The following INVS variants were observed in gnomAD, a reference collection of about 807,000 sequenced individuals.
The protein encoded by INVS is inversin.
A neutral mutation model predicts 108.8 loss-of-function variants in INVS; 86 were observed. The observed-to-expected ratio is 0.79, with a 90% confidence interval of 0.66 to 0.95. The LOEUF is 0.95. INVS is among the 40% of genes least tolerant of loss of function. The pLI is 0.00. For missense variants in INVS, 1,169 were observed against 1,297.4 expected (o/e 0.90, Z 1.52); for synonymous variants, 455 against 473.5 (o/e 0.96, Z 0.51).
intron 10 of INVS, among the ~76,000 whole-genome samples, chr9:100,256,993 A>C (rs1162460181): frequency 7.2e-5 from 11 of 152,228 alleles, no homozygotes; most frequent in South Asian, 4.1e-4. Flanking sequence ...TGATCTGTCT[A>C]ATGTTGACAG....
At chr9:100,256,629 T>C (rs1354690768) in intron 10 of INVS, among the ~76,000 whole-genome samples, 1 of 152,230 alleles carries the variant, frequency 6.6e-6, no homozygotes, top group Non-Finnish European at 1.5e-5. Context: ...TTGTTCTCAT[T>C]GGTTTCAAAG....
intron 3 of INVS, among the ~76,000 whole-genome samples, chr9:100,140,494 T>G (rs1020142107): frequency 3.3e-5 from 5 of 152,170 alleles, no homozygotes; most frequent in Non-Finnish European, 7.3e-5. Flanking sequence ...TCTTTTGTGG[T>G]GGAATGTCAT....
rs527845207 is a variant in INVS at position 100,252,930 on chromosome 9, G to A, written c.1258G>A (p.Asp420Asn). ...IKGGARVDLV[D>N]QDGHSLLHWA... is the part of the protein sequence containing the mutation. ...AGGTGGAGCAAGGGTAGATCTAGTT[G>A]ACCAAGATGGACATTCTCTTCTACA... Residue 420 changes from aspartate to asparagine, a missense_variant, in exon 10 of 17, where the codon GAC becomes AAC. Asp to Asn is a conservative substitution (Grantham distance 23). Coordinates refer to ENST00000262457, the MANE Select transcript of INVS (RefSeq NM_014425.5). The A allele has an allele frequency of 1.2e-6, 2 of 1,613,542 alleles. No homozygotes were observed. Among genetic ancestry groups the A allele is most frequent in the Non-Finnish European group, 1.7e-6 (2 of 1,179,626 alleles).
At chr9:100,194,964 C>G (rs187872578) in intron 3 of INVS, among the ~76,000 whole-genome samples, 81 of 152,156 alleles carry the variant, frequency 5.3e-4, no homozygotes, top group African/African-American at 1.9e-3. Context: ...AATGTGAGAC[C>G]CACTGAGTCT....
At chr9:100,247,097 A>G in intron 8 of INVS, among the ~76,000 whole-genome samples, 1 of 151,998 alleles carries the variant, frequency 6.6e-6, no homozygotes, top group Middle Eastern at 3.4e-3. Flanking sequence ...AAAAAAAAAA[A>G]CCTACACTTT....
In INVS at chr9:100,246,605, T is replaced by C. The variant is rs761808507; in HGVS notation, c.907-11T>C. 1 of 1,608,310 alleles carries C rather than the reference T, an allele frequency of 6.2e-7. No individual in the cohort carries two copies. Reference sequence around the variant, plus strand: ...TTTTGTCTCCATTTTTTAAATCAAGTTTTCTTACAGGAAACGGTTAAAGTG... The same window carrying C: ...TTTTGTCTCCATTTTTTAAATCAAGCTTTCTTACAGGAAACGGTTAAAGTG... On this transcript the variant is annotated splice_polypyrimidine_tract_variant and intron_variant, in intron 7 of 16. Transcript: ENST00000262457.
At chr9:100,258,522 T>A (rs1456287931) in intron 10 of INVS, among the ~76,000 whole-genome samples, 1 of 152,188 alleles carries the variant, frequency 6.6e-6, no homozygotes, top group Admixed American at 6.5e-5. Flanking sequence ...TCTACTCTGG[T>A]TTCTCCCCAT....
intron 3 of INVS, among the ~76,000 whole-genome samples, chr9:100,211,504 A>G (rs1168205225): frequency 6.6e-6 from 1 of 152,224 alleles, no homozygotes; most frequent in Non-Finnish European, 1.5e-5. Flanking sequence ...TTCCTCTCAT[A>G]GAGAAAAGCC....
intron 12 of INVS, among the ~76,000 whole-genome samples, chr9:100,283,178 G>T (rs931945869): frequency 1.3e-5 from 2 of 152,076 alleles, no homozygotes; most frequent in Non-Finnish European, 2.9e-5. Flanking sequence ...TTATCCAGGT[G>T]TGGTGGGGCA....
intron 7 of INVS, among the ~76,000 whole-genome samples, chr9:100,244,945 T>G (rs1338900729): frequency 6.6e-6 from 1 of 152,188 alleles, no homozygotes; most frequent in East Asian, 1.9e-4. Flanking sequence ...GATTCTTCCT[T>G]TATCTGCCAC....
chr9:100,242,064 T>C (rs964766399), intron 6 of INVS, among the ~76,000 whole-genome samples: 5 of 152,118 alleles, frequency 3.3e-5, no homozygotes, highest in Non-Finnish European at 7.4e-5. Context: ...ATAAATATAA[T>C]AAAAGATTGT....
intron 13 of INVS, among the ~76,000 whole-genome samples, chr9:100,289,431 GT>G (rs1288436916): frequency 2.0e-5 from 3 of 152,150 alleles, no homozygotes. Context: ...ATCTGTGTTG[GT>G]TATCTCTTGT....
chr9:100,102,609 G>T (rs981256836), intron 1 of INVS: 3 of 152,250 alleles, frequency 2.0e-5, no homozygotes, highest in Non-Finnish European at 4.4e-5. Flanking sequence ...GGTGGCTGAG[G>T]AGGGAGGATC....
chr9:100,230,406 T>C (rs1199785143), intron 5 of INVS, among the ~76,000 whole-genome samples: 1 of 152,204 alleles, frequency 6.6e-6, no homozygotes, highest in East Asian at 1.9e-4. Context: ...TTGCTCAGTA[T>C]TTAAAGGTTT....
chr9:100,289,173 T>A (rs928779166), intron 13 of INVS, among the ~76,000 whole-genome samples: 25 of 152,248 alleles, frequency 1.6e-4, no homozygotes, highest in African/African-American at 5.8e-4. Context: ...CTGAACTGTA[T>A]CTACAGCTCC....
chr9:100,182,949 A>G (rs1280678339), intron 3 of INVS, among the ~76,000 whole-genome samples: 1 of 152,234 alleles, frequency 6.6e-6, no homozygotes, highest in Non-Finnish European at 1.5e-5. Flanking sequence ...GCAGCCATAA[A>G]AAGGATGAGT....
intron 8 of INVS, among the ~76,000 whole-genome samples, chr9:100,250,366 T>C (rs1832191032): frequency 6.6e-6 from 1 of 152,176 alleles, no homozygotes; most frequent in African/African-American, 2.4e-5. Flanking sequence ...AAAAAAATTC[T>C]AGAGTCATAT....
intron 2 of INVS, among the ~76,000 whole-genome samples, chr9:100,119,064 T>C (rs1008781874): frequency 6.6e-6 from 1 of 152,260 alleles, no homozygotes; most frequent in Admixed American, 6.5e-5. Context: ...TACTCTCAAA[T>C]CTGTTCTATT....
chr9:100,129,180 A>G (rs1258044119), intron 3 of INVS, among the ~76,000 whole-genome samples: 1 of 151,746 alleles, frequency 6.6e-6, no homozygotes, highest in Non-Finnish European at 1.5e-5. Flanking sequence ...ATTTAATATT[A>G]TAATTAAAAG....
Sources: allele counts gnomAD v4.1 joint callset (sites outside exome capture counted in the v4.1 genomes callset), GRCh38; gene constraint gnomAD v4.1.1; transcripts MANE v1.5; gene names NCBI Gene and HGNC (gene_info 2026-07-23, HGNC 2026-07-21).